The following MBD5 variants were observed in gnomAD, a reference collection of about 807,000 sequenced individuals.
MBD5 encodes the protein methyl-CpG binding domain protein 5.
Under a neutral mutation model 117.3 loss-of-function variants are expected in MBD5, and 13 were observed. The ratio of observed to expected loss-of-function variants is 0.11; its 90% confidence interval spans 0.07 to 0.18. The LOEUF (loss-of-function observed/expected upper bound fraction) is 0.18. Ranked by LOEUF, MBD5 falls within the 10% of genes least tolerant of loss-of-function variation. The pLI is 1.00. For missense variants in MBD5, 1,879 were observed against 2,093.8 expected (o/e 0.90, Z 2.00); for synonymous variants, 727 against 766.4 (o/e 0.95, Z 0.85).
chr2:148,498,112 A>G (rs1309648209), intron 11 of MBD5, among the ~76,000 whole-genome samples: 2 of 152,184 alleles, frequency 1.3e-5, no homozygotes, highest in Admixed American at 1.3e-4. Context: ...ACTTTGTAGA[A>G]ATGGAATGGG....
chr2:148,107,594 AGCT>A (rs1696403202), intron 1 of MBD5, among the ~76,000 whole-genome samples: 1 of 151,608 alleles, frequency 6.6e-6, no homozygotes, highest in Non-Finnish European at 1.5e-5. Context: ...TTCTCTTTTC[AGCT>A]ATATTGAAGT....
chr2:148,334,352 G>C (rs1168538848), intron 3 of MBD5, among the ~76,000 whole-genome samples: 12 of 150,708 alleles, frequency 8.0e-5, no homozygotes, highest in Non-Finnish European at 1.5e-5. Context: ...TTTTTTTTAA[G>C]AGACAAGGTC....
intron 4 of MBD5, among the ~76,000 whole-genome samples, chr2:148,424,542 C>T (rs551337853): frequency 1.3e-5 from 2 of 152,104 alleles, no homozygotes; most frequent in South Asian, 2.1e-4. Context: ...ACTTTATAGA[C>T]ATCTACAGAA....
chr2:148,406,913 G>GC (rs1705096167), intron 4 of MBD5, among the ~76,000 whole-genome samples: 1 of 152,142 alleles, frequency 6.6e-6, no homozygotes, highest in South Asian at 2.1e-4. Context: ...GGTCTTTCCT[G>GC]CCCATATGCT....
rs369735387 is a variant in MBD5, at chr2:148,328,504, G to A, written c.-679-13710G>A. Among the ~76,000 whole-genome samples the A allele has an allele frequency of 1.1e-3, 164 of 152,222 alleles. 1 individual carries two copies. The highest frequency in any genetic ancestry group is 3.5e-3 in the African/African-American group (145 of 41,558). ...TAGCAATCAGCCAGACTCTGTGGGC[G>A]TAGGACCCTCCGACCCAGGTGCAGG... On this transcript the variant is annotated intron_variant, in intron 3 of 13. Coordinates refer to ENST00000642680, the MANE Select transcript of MBD5 (RefSeq NM_001378120.1).
intron 4 of MBD5, among the ~76,000 whole-genome samples, chr2:148,445,618 G>C (rs1484580733): frequency 6.6e-6 from 1 of 151,306 alleles, no homozygotes; most frequent in Non-Finnish European, 1.5e-5. Flanking sequence ...TATCTTTATA[G>C]CAGCATGATT....
intron 2 of MBD5, among the ~76,000 whole-genome samples, chr2:148,197,902 C>T (rs2105938157): frequency 1.3e-5 from 2 of 150,710 alleles, no homozygotes; most frequent in East Asian, 3.9e-4. Flanking sequence ...CAACCTCCAC[C>T]TCCCGGGTTC....
chr2:148,228,978 C>T (rs1289285123), intron 2 of MBD5, among the ~76,000 whole-genome samples: 1 of 151,878 alleles, frequency 6.6e-6, no homozygotes, highest in African/African-American at 2.4e-5. Flanking sequence ...TTTTTTATTG[C>T]GTCTATTTGA....
chr2:148,113,803 C>CT (rs1696556518), intron 1 of MBD5, among the ~76,000 whole-genome samples: 1 of 151,980 alleles, frequency 6.6e-6, no homozygotes, highest in Non-Finnish European at 1.5e-5. Flanking sequence ...AAAGTAATAT[C>CT]TTTTTTAGAA....
At chr2:148,344,020 T>C (rs1574313055) in intron 4 of MBD5, among the ~76,000 whole-genome samples, 1 of 152,104 alleles carries the variant, frequency 6.6e-6, no homozygotes, top group Non-Finnish European at 1.5e-5. Context: ...TTCATTCTTC[T>C]GCACTGCATG....
At chr2:148,167,522 A>AT (rs1698156124) in intron 1 of MBD5, among the ~76,000 whole-genome samples, 1 of 152,076 alleles carries the variant, frequency 6.6e-6, no homozygotes, top group Admixed American at 6.6e-5. Context: ...TGCATTCTAG[A>AT]TTTTTTTAAA....
intron 3 of MBD5, among the ~76,000 whole-genome samples, chr2:148,296,864 A>T (rs113098849): frequency 0.097 from 5,777 of 59,586 alleles, 557 homozygotes; most frequent in Middle Eastern, 0.2. Flanking sequence ...TAGTTCTTCA[A>T]TTTTTTTTTT....
At chr2:148,124,684 A>G (rs908625413) in intron 1 of MBD5, among the ~76,000 whole-genome samples, 11 of 152,136 alleles carry the variant, frequency 7.2e-5, no homozygotes, top group African/African-American at 2.4e-4. Context: ...TTTTCTGCAT[A>G]TTTTTAAATC....
chr2:148,367,813 A>C (rs901992615), intron 4 of MBD5, among the ~76,000 whole-genome samples: 1 of 152,214 alleles, frequency 6.6e-6, no homozygotes, highest in Non-Finnish European at 1.5e-5. Flanking sequence ...GCAATTATTA[A>C]AAAGTCAGGA....
At chr2:148,253,348 A>G (rs1700509337) in intron 3 of MBD5, among the ~76,000 whole-genome samples, 1 of 152,170 alleles carries the variant, frequency 6.6e-6, no homozygotes, top group Non-Finnish European at 1.5e-5. Context: ...TGCTGGGGAA[A>G]TATATAGCTC....
chr2:148,483,990 A>G lies in MBD5; in HGVS notation c.3399A>G (p.Thr1133=). ...SSAVAALTVS[T]LGGTAVVSMA... The stretch of plus-strand genomic sequence containing the variant: ...CAGTGGCAGCACTGACTGTCTCAAC[A>G]CTTGGTGGGACAGCAGTGGTGTCAA... Residue 1133 remains threonine, a synonymous_variant, in exon 9 of 14, where the codon ACA becomes ACG. Coordinates refer to ENST00000642680, the MANE Select transcript of MBD5 (RefSeq NM_001378120.1). 6.4e-7 allele frequency: 1 copy of G among 1,550,442 alleles called. No individual in the cohort carries two copies. The highest frequency in any genetic ancestry group is 8.7e-7 in the Non-Finnish European group (1 of 1,146,934).
chr2:148,119,091 T>C (rs1347741395), intron 1 of MBD5, among the ~76,000 whole-genome samples: 3 of 152,206 alleles, frequency 2.0e-5, no homozygotes, highest in Non-Finnish European at 2.9e-5. Context: ...TTGAGGAACT[T>C]CTAAAGTATT....
At chr2:148,396,164 G>A (rs1186499776) in intron 4 of MBD5, among the ~76,000 whole-genome samples, 11 of 152,042 alleles carry the variant, frequency 7.2e-5, no homozygotes, top group Non-Finnish European at 5.9e-5. Flanking sequence ...AACTGCTCTC[G>A]CTAAGGGAAC....
intron 4 of MBD5, among the ~76,000 whole-genome samples, chr2:148,395,769 G>A (rs1396562653): frequency 6.6e-6 from 1 of 152,108 alleles, no homozygotes; most frequent in African/African-American, 2.4e-5. Context: ...TAACCAACGT[G>A]TATGCCTAAT....
Sources: allele counts gnomAD v4.1 joint callset (sites outside exome capture counted in the v4.1 genomes callset), GRCh38; gene constraint gnomAD v4.1.1; transcripts MANE v1.5; gene names NCBI Gene and HGNC (gene_info 2026-07-23, HGNC 2026-07-21).